PHIP: variants seen among roughly 807,000 people sequenced by gnomAD.
PHIP encodes the protein PHIP subunit of CUL4-Ring ligase complex.
Under a neutral mutation model 236.8 loss-of-function variants are expected in PHIP, and 54 were observed. The ratio of observed to expected loss-of-function variants is 0.23; its 90% confidence interval spans 0.18 to 0.29. The LOEUF is 0.29. Ranked by LOEUF, PHIP falls within the 10% of genes least tolerant of loss-of-function variation. PHIP has a pLI of 1.00. For missense variants in PHIP, 1,370 were observed against 2,190.8 expected (o/e 0.63, Z 7.48); for synonymous variants, 756 against 718.9 (o/e 1.05, Z -0.83).
Position 79,039,160 on chromosome 6 carries a change from CCACAT to C in PHIP, c.600+3678_600+3682del, listed in dbSNP as rs527425302. On this transcript the variant is annotated intron_variant, in intron 7 of 39. Coordinates refer to ENST00000275034, the MANE Select transcript of PHIP (RefSeq NM_017934.7). ...AGAAAAATTCTCCTCACTCTTCTAA[CCACAT>C]CAATCATTAGCTCTCCATTGCCTTC... Among the ~76,000 whole-genome samples, 654 of 152,304 alleles carry C rather than the reference CCACAT, an allele frequency of 4.3e-3. 1 individual carries two copies. The highest frequency in any genetic ancestry group is 0.014 in the African/African-American group (594 of 41,566).
chr6:79,048,607 A>AT (rs1264559734), intron 6 of PHIP, among the ~76,000 whole-genome samples: 1 of 152,198 alleles, frequency 6.6e-6, no homozygotes, highest in African/African-American at 2.4e-5. Flanking sequence ...AACCATGGTT[A>AT]AAAAAGATGA....
rs1354607805 is a variant in PHIP at position 78,934,754 on chromosome 6, T to G, written c.*5939A>C. On this transcript the variant is annotated 3_prime_UTR_variant, in exon 40 of 40. Transcript: ENST00000275034. Reference sequence around the variant, plus strand: ...TAATCAACCTTTAAAACTTTACAGATGAGGAAAATGAAGCTCTGAGATACG... The same window carrying G: ...TAATCAACCTTTAAAACTTTACAGAGGAGGAAAATGAAGCTCTGAGATACG... 6.6e-6 allele frequency among the ~76,000 whole-genome samples: 1 copy of G among 152,152 alleles called. No individual in the cohort carries two copies. The highest frequency in any genetic ancestry group is 1.5e-5 in the Non-Finnish European group (1 of 68,028).
intron 15 of PHIP, among the ~76,000 whole-genome samples, chr6:79,008,501 CTA>C (rs1333674550): frequency 6.6e-6 from 1 of 152,034 alleles, no homozygotes. Flanking sequence ...GAGAGCAATA[CTA>C]TTGATTAGGC....
chr6:79,048,092 T>C (rs933629975), intron 6 of PHIP, among the ~76,000 whole-genome samples: 9 of 151,912 alleles, frequency 5.9e-5, no homozygotes, highest in African/African-American at 1.9e-4. Flanking sequence ...ATCAATGATG[T>C]TTTAATATTT....
chr6:78,990,017 A>C (rs1750300223), intron 20 of PHIP, among the ~76,000 whole-genome samples: 1 of 152,184 alleles, frequency 6.6e-6, no homozygotes, highest in Admixed American at 6.5e-5. Flanking sequence ...TGAAGAGATG[A>C]GTAATAAAAC....
intron 15 of PHIP, among the ~76,000 whole-genome samples, chr6:79,009,032 A>C (rs1770439775): frequency 6.6e-6 from 1 of 152,132 alleles, no homozygotes; most frequent in Admixed American, 6.5e-5. Context: ...CTACCCCTAT[A>C]ATATTTCATG....
In PHIP at chr6:79,022,184, A is replaced by T. The variant is rs577345102; in HGVS notation, c.924-3025T>A. ...TTATCAAGAGTGCGACCTTAGGCCA[A>T]GTTAACATTTCTGTACCTCAGTATC... On this transcript the variant is annotated intron_variant, in intron 9 of 39. Transcript: ENST00000275034. Among the ~76,000 whole-genome samples, 6 of 152,336 alleles carry T rather than the reference A, an allele frequency of 3.9e-5. No individual in the cohort carries two copies. The South Asian group carries it at 1.2e-3, about 32-fold the overall frequency.
At position 79,056,586 on chromosome 6, in the gene PHIP, G is replaced by C. The variant is rs1773086083; in HGVS notation, c.439+3892C>G. 3.3e-5 allele frequency among the ~76,000 whole-genome samples: 5 copies of C among 152,244 alleles called. No homozygotes were observed. In the South Asian group the frequency reaches 8.3e-4, roughly 25 times the overall value. On this transcript the variant is annotated intron_variant, in intron 6 of 39. Coordinates refer to ENST00000275034, the MANE Select transcript of PHIP (RefSeq NM_017934.7). The stretch of plus-strand genomic sequence containing the variant: ...CTGGAGACTTTTTAAATTGTGACAA[G>C]GGGGTAGTGGGGATGCTACTGGCAA...
intron 39 of PHIP, among the ~76,000 whole-genome samples, chr6:78,944,017 A>T (rs1773663884): frequency 6.9e-6 from 1 of 145,322 alleles, no homozygotes; most frequent in Admixed American, 7.0e-5. Context: ...AAAAAAAGGA[A>T]GTGCTTGATT....
intron 15 of PHIP, among the ~76,000 whole-genome samples, chr6:79,004,972 T>C (rs1770205520): frequency 6.6e-6 from 1 of 152,042 alleles, no homozygotes; most frequent in African/African-American, 2.4e-5. Context: ...AAGAAGTTAA[T>C]ACAATACCAC....
chr6:78,984,329 C>T (rs1368264049), intron 22 of PHIP, among the ~76,000 whole-genome samples: 1 of 152,174 alleles, frequency 6.6e-6, no homozygotes, highest in Non-Finnish European at 1.5e-5. Flanking sequence ...AATAGGTTGT[C>T]TTCAACTTAT....
At position 79,025,958 on chromosome 6, in the gene PHIP, A is replaced by G. The variant is rs1361768350; in HGVS notation, c.807T>C (p.Ser269=). The G allele has an allele frequency of 6.2e-7, 1 of 1,607,528 alleles. No individual in the cohort carries two copies. The part of the protein sequence containing the change: ...PLAVLQGHSA[S]ITSLQFSPLC... ...AGACAATTACCTGTAGTGATGTAATAGATGCACTATGGCCCTGAAGAACAG... is the reference window on the plus strand; with the variant it reads ...AGACAATTACCTGTAGTGATGTAATGGATGCACTATGGCCCTGAAGAACAG... Residue 269 remains serine (S), a synonymous_variant, in exon 8 of 40, where the codon TCT becomes TCC. Coordinates refer to ENST00000275034, the MANE Select transcript of PHIP (RefSeq NM_017934.7).
chr6:79,062,873 C>T (rs1372706223), intron 4 of PHIP, among the ~76,000 whole-genome samples: 1 of 152,194 alleles, frequency 6.6e-6, no homozygotes, highest in Non-Finnish European at 1.5e-5. Context: ...CTTCATGTCT[C>T]AGTCTATGTC....
At chr6:79,045,315 A>C (rs1476144029) in intron 6 of PHIP, among the ~76,000 whole-genome samples, 5 of 152,138 alleles carry the variant, frequency 3.3e-5, no homozygotes, top group Admixed American at 2.6e-4. Flanking sequence ...TGTACAACTG[A>C]AGAGGTTGAA....
intron 4 of PHIP, among the ~76,000 whole-genome samples, chr6:79,065,407 C>G (rs576791456): frequency 1.2e-4 from 18 of 152,030 alleles, no homozygotes; most frequent in Non-Finnish European, 2.4e-4. Flanking sequence ...AGTCCCTTTC[C>G]CCAACTCTCA....
chr6:78,980,987 A>G (rs1768487526), intron 23 of PHIP, among the ~76,000 whole-genome samples: 4 of 152,044 alleles, frequency 2.6e-5, no homozygotes, highest in Non-Finnish European at 1.5e-5. Flanking sequence ...AATCATATGT[A>G]TGACTGAAAG....
chr6:79,012,749 A>G (rs1770654189), intron 15 of PHIP, among the ~76,000 whole-genome samples: 1 of 151,630 alleles, frequency 6.6e-6, no homozygotes, highest in East Asian at 1.9e-4. Context: ...GTTTCTCTTT[A>G]TTTTCTTAAT....
At chr6:79,047,819 T>G (rs959342979) in intron 6 of PHIP, among the ~76,000 whole-genome samples, 1 of 152,142 alleles carries the variant, frequency 6.6e-6, no homozygotes, top group African/African-American at 2.4e-5. Flanking sequence ...TTTACTTTTT[T>G]GTAGTTTAGA....
chr6:78,994,241 AT>A (rs1320848023), intron 19 of PHIP, among the ~76,000 whole-genome samples: 2 of 152,236 alleles, frequency 1.3e-5, no homozygotes, highest in Non-Finnish European at 2.9e-5. Flanking sequence ...TCTAGTGAAT[AT>A]GCTTTGAACA....
Sources: gnomAD v4.1 joint callset for allele counts (sites outside exome capture counted in the v4.1 genomes callset) on GRCh38, gnomAD v4.1.1 for gene constraint, MANE v1.5 for transcripts, NCBI Gene and HGNC (gene_info 2026-07-23, HGNC 2026-07-21) for gene names.